Variants in ABCD4 observed in about 807,000 individuals in gnomAD.
ABCD4 encodes ATP binding cassette subfamily D member 4, also known as lysosomal cobalamin transporter ABCD4.
Under a neutral mutation model 86.3 loss-of-function variants are expected in ABCD4, and 53 were observed. The observed-to-expected ratio is 0.61, with a 90% CI of 0.49 to 0.77. The LOEUF is 0.77. Among genes scored for constraint, ABCD4 ranks in the 30% least tolerant of loss-of-function variants. ABCD4 has a pLI of 0.00. For missense variants in ABCD4, 757 were observed against 764.5 expected (o/e 0.99, Z 0.12); for synonymous variants, 328 against 313.6 (o/e 1.05, Z -0.49).
intron 18 of ABCD4, 40 bp from the exon 19 acceptor site, chr14:74,286,569 G>C (rs779699060): frequency 4.3e-6 from 7 of 1,612,754 alleles, no homozygotes; most frequent in Non-Finnish European, 5.9e-6. Flanking sequence ...AGGCTGCCCT[G>C]GCCGCTGGCA....
intron 8 of ABCD4, 91 bp from the exon 9 acceptor site, chr14:74,292,960 G>C: frequency 6.3e-7 from 1 of 1,578,252 alleles, no homozygotes; most frequent in East Asian, 2.2e-5. Context: ...ACGCCAAGTA[G>C]GGCCACGTGG....
chr14:74,297,899 A>T, intron 4 of ABCD4, 31 bp downstream of exon 4: 2 of 1,593,432 alleles, frequency 1.3e-6, no homozygotes, highest in Non-Finnish European at 1.7e-6. Context: ...GACCACACAG[A>T]GTGTAGAAAG....
chr14:74,290,143 TTG>T, intron 12 of ABCD4, 25 bp from the exon 13 acceptor site: 1 of 1,613,916 alleles, frequency 6.2e-7, no homozygotes, highest in South Asian at 1.1e-5. Flanking sequence ...GAAACCTCCA[TTG>T]TGAGATCTCC....
At chr14:74,293,336 G>T in intron 7 of ABCD4, 88 bp from the exon 8 acceptor site, 1 of 1,209,136 alleles carries the variant, frequency 8.3e-7, no homozygotes, top group Non-Finnish European at 1.2e-6. Flanking sequence ...CCCTCCTTTA[G>T]AAACCAAGGC....
rs757641200 is a variant in ABCD4, at chr14:74,288,267, A to G, written c.1507-8T>C. Reference sequence around the variant, plus strand: ...CCTTGCCACCAAGTTGGACTGTAACAGACCCAGAGGGCAGGATGTCCATGA... The same window carrying G: ...CCTTGCCACCAAGTTGGACTGTAACGGACCCAGAGGGCAGGATGTCCATGA... On this transcript the variant is annotated splice_region_variant and splice_polypyrimidine_tract_variant and intron_variant, in intron 15 of 18. Coordinates refer to ENST00000356924, the MANE Select transcript of ABCD4 (RefSeq NM_005050.4). 15 of 1,604,686 alleles carry G rather than the reference A, an allele frequency of 9.3e-6. No individual in the cohort carries two copies. Among genetic ancestry groups the G allele is most frequent in the Non-Finnish European group, 1.2e-5 (14 of 1,175,474 alleles).
In ABCD4 at chr14:74,292,685, C is replaced by G. The variant is rs1403988690; in HGVS notation, c.937-43G>C. On this transcript the variant is annotated intron_variant, in intron 9 of 18. Coordinates refer to ENST00000356924, the MANE Select transcript of ABCD4 (RefSeq NM_005050.4). ...AGGTCAAGCAGGTCTCGACTCGAGC[C>G]CACAGACACTGGGCCAAGGACAGAG... 4 of 1,613,906 alleles carry G rather than the reference C, an allele frequency of 2.5e-6. No homozygotes were observed. The Admixed American group carries it at 5.0e-5, about 20-fold the overall frequency.
intron 17 of ABCD4, among the ~76,000 whole-genome samples, 198 bp downstream of exon 17, chr14:74,287,612 T>C (rs1268556289): frequency 1.3e-5 from 2 of 150,158 alleles, no homozygotes; most frequent in Non-Finnish European, 2.9e-5. Flanking sequence ...GCTTATGAGC[T>C]GGCAGTACCG....
chr14:74,298,258 T>C (rs1342095554), intron 3 of ABCD4, among the ~76,000 whole-genome samples, 189 bp from the exon 4 acceptor site: 2 of 152,202 alleles, frequency 1.3e-5, no homozygotes, highest in African/African-American at 4.8e-5. Context: ...CTCACTCACG[T>C]GTTCATTCCT....
At chr14:74,302,391 A>C (rs1399123863) in intron 1 of ABCD4, among the ~76,000 whole-genome samples, 2 of 152,236 alleles carry the variant, frequency 1.3e-5, no homozygotes, top group African/African-American at 4.8e-5. Context: ...TATAGATTTC[A>C]AAGTAACACT....
chr14:74,288,406 G>A, intron 15 of ABCD4, 147 bp from the exon 16 acceptor site: 2 of 766,486 alleles, frequency 2.6e-6, no homozygotes, highest in African/African-American at 3.5e-5. Context: ...GGGGACTGTG[G>A]GACAGTCTGC....
At chr14:74,289,551 G>A (rs1329826478) in intron 13 of ABCD4, 32 bp from the exon 14 acceptor site, 1 of 1,612,090 alleles carries the variant, frequency 6.2e-7, no homozygotes, top group Non-Finnish European at 8.5e-7. Context: ...ACCAACCTAG[G>A]AGGGCGAGCA....
At chr14:74,299,479 T>C in intron 3 of ABCD4, 69 bp downstream of exon 3, 1 of 1,577,296 alleles carries the variant, frequency 6.3e-7, no homozygotes, top group Non-Finnish European at 8.6e-7. Context: ...GGAGGCTAAG[T>C]TCCACTAGGC....
In ABCD4 at chr14:74,287,891, G is replaced by A. The variant is rs1191309572; in HGVS notation, c.1560-5C>T. 1.2e-6 allele frequency: 2 copies of A among 1,611,310 alleles called. No homozygotes were observed. The highest frequency in any genetic ancestry group is 1.7e-6 in the Non-Finnish European group (2 of 1,178,334). On this transcript the variant is annotated splice_region_variant and splice_polypyrimidine_tract_variant and intron_variant, in intron 16 of 18. Transcript: ENST00000356924. ...CCCGGGGACAGAACATCATACCTGA[G>A]GAAAGGTAGGAGAGAGGACTGCTAG...
chr14:74,289,867 TAGA>T (rs2080983737), intron 13 of ABCD4, 157 bp downstream of exon 13: 1 of 1,469,546 alleles, frequency 6.8e-7, no homozygotes, highest in Non-Finnish European at 9.0e-7. Flanking sequence ...TGGATGTGAA[TAGA>T]AGGTTCTTAG....
chr14:74,296,236 G>A, intron 5 of ABCD4, 97 bp downstream of exon 5: 2 of 1,300,800 alleles, frequency 1.5e-6, no homozygotes, highest in Admixed American at 3.4e-5. Flanking sequence ...GGTACGGTGG[G>A]AGAGAGGGGA....
At chr14:74,291,835 C>G (rs200260186) in intron 11 of ABCD4, among the ~76,000 whole-genome samples, 2 of 152,166 alleles carry the variant, frequency 1.3e-5, no homozygotes, top group East Asian at 3.8e-4. Flanking sequence ...AGAAACAGAA[C>G]AGTTAGGTAA....
rs551965073 is a variant in ABCD4, at chr14:74,286,595, TTCTC to T, written c.1753-70_1753-67del. The T allele has an allele frequency of 6.9e-5, 112 of 1,612,154 alleles. No homozygotes were observed. In the African/African-American group the frequency reaches 1.4e-3, roughly 20 times the overall value. ...GCCGCTGGCAGAGGAGGCCACTCGG[TTCTC>T]TCTGCTACTGCTACTCCCCGTTTTG... On this transcript the variant is annotated intron_variant, in intron 18 of 18. Transcript: ENST00000356924.
chr14:74,298,848 C>T (rs7146270), intron 3 of ABCD4, among the ~76,000 whole-genome samples: 8,016 of 152,292 alleles, frequency 0.053, 737 homozygotes, highest in African/African-American at 0.18. Flanking sequence ...AGTTCTGGTA[C>T]AGCCCTGAGT....
chr14:74,288,544 C>A (rs748932417), intron 15 of ABCD4, 172 bp downstream of exon 15: 12 of 736,440 alleles, frequency 1.6e-5, no homozygotes, highest in South Asian at 5.3e-5. Flanking sequence ...AGCACTACCC[C>A]CTTCGTGCCT....
Sources: allele counts gnomAD v4.1 joint callset (sites outside exome capture counted in the v4.1 genomes callset), GRCh38; gene constraint gnomAD v4.1.1; transcripts MANE v1.5; gene names NCBI Gene and HGNC (gene_info 2026-07-23, HGNC 2026-07-21).